MAD1L1: variants seen among roughly 807,000 people sequenced by gnomAD.
MAD1L1 encodes mitotic spindle assembly checkpoint protein MAD1.
Under a neutral mutation model 96.9 loss-of-function variants are expected in MAD1L1, and 95 were observed. The ratio of observed to expected loss-of-function variants is 0.98; its 90% CI spans 0.83 to 1.16. The LOEUF (loss-of-function observed/expected upper bound fraction) is 1.16, where lower values mean the gene tolerates loss of function less well. Among genes scored for constraint, MAD1L1 ranks in the 50% most tolerant of loss-of-function variants. The pLI is 0.00. For synonymous variants in MAD1L1, 473 were observed against 396.6 expected (o/e 1.19, Z -2.29); for missense variants, 1,007 against 954.4 (o/e 1.06, Z -0.73).
At chr7:2,023,725 G>C (rs1782882329) in intron 12 of MAD1L1, among the ~76,000 whole-genome samples, 1 of 152,288 alleles carries the variant, frequency 6.6e-6, no homozygotes, top group South Asian at 2.1e-4. Flanking sequence ...AAGGTGGGTG[G>C]ATCACCTGAG....
intron 10 of MAD1L1, among the ~76,000 whole-genome samples, chr7:2,179,454 G>C (rs774816400): frequency 6.6e-6 from 1 of 151,816 alleles, no homozygotes; most frequent in Non-Finnish European, 1.5e-5. Context: ...CTTGAACCCG[G>C]GAGGTAGAGG....
chr7:2,151,991 T>C (rs959360830), intron 10 of MAD1L1, among the ~76,000 whole-genome samples: 1 of 151,228 alleles, frequency 6.6e-6, no homozygotes, highest in Admixed American at 6.6e-5. Flanking sequence ...GCTCTCCACA[T>C]TCCCACCGAC....
chr7:1,985,912 G>A (rs933569359), intron 14 of MAD1L1, among the ~76,000 whole-genome samples: 21 of 152,108 alleles, frequency 1.4e-4, no homozygotes, highest in African/African-American at 3.6e-4. Flanking sequence ...CTACCGCCTC[G>A]TTAACTTTTG....
At position 1,936,686 on chromosome 7, in the gene MAD1L1, C is replaced by T. The variant is rs560304495; in HGVS notation, c.1807+1G>A. 1 of 1,549,200 alleles carries T rather than the reference C, an allele frequency of 6.5e-7. No individual in the cohort carries two copies. Among genetic ancestry groups the T allele is most frequent in the Non-Finnish European group, 8.7e-7 (1 of 1,147,938 alleles). On this transcript the variant is annotated splice_donor_variant, in intron 17 of 18. Transcript: ENST00000265854. LOFTEE classifies it high-confidence loss of function. The stretch of plus-strand genomic sequence containing the variant: ...AGGGACCGGGGGTGGGGGGTGCCTA[C>T]CTGCCACCTCCTTGGACGATGGCAG...
intron 18 of MAD1L1, chr7:1,845,398 C>T (rs937690332): frequency 5.2e-5 from 8 of 152,402 alleles, no homozygotes; most frequent in Non-Finnish European, 8.8e-5. Context: ...AACAGCAGCT[C>T]GGAAACAAGC....
chr7:1,986,484 C>T (rs1781151368), intron 14 of MAD1L1, among the ~76,000 whole-genome samples: 1 of 147,914 alleles, frequency 6.8e-6, no homozygotes, highest in Admixed American at 6.7e-5. Context: ...AGTTCTACTC[C>T]GCGGCTCCCT....
chr7:2,039,806 T>G (rs1327650841), intron 12 of MAD1L1, among the ~76,000 whole-genome samples: 1 of 152,146 alleles, frequency 6.6e-6, no homozygotes, highest in African/African-American at 2.4e-5. Flanking sequence ...CCTCTTTATC[T>G]CTACCTTGTC....
intron 12 of MAD1L1, among the ~76,000 whole-genome samples, chr7:2,018,336 C>A (rs555724544): frequency 6.6e-6 from 1 of 152,358 alleles, no homozygotes; most frequent in Non-Finnish European, 1.5e-5. Context: ...AAACCAGGCA[C>A]ACGGAACCCG....
intron 16 of MAD1L1, among the ~76,000 whole-genome samples, chr7:1,950,570 C>T (rs1157437494): frequency 6.6e-6 from 1 of 152,220 alleles, no homozygotes; most frequent in Non-Finnish European, 1.5e-5. Flanking sequence ...GGTTGGACAA[C>T]AGTGACTTGG....
At chr7:1,979,461 G>A (rs1335605162) in intron 15 of MAD1L1, among the ~76,000 whole-genome samples, 2 of 152,222 alleles carry the variant, frequency 1.3e-5, no homozygotes, top group Non-Finnish European at 2.9e-5. Context: ...CAGGATACTC[G>A]GGTTGCCCCA....
intron 11 of MAD1L1, among the ~76,000 whole-genome samples, chr7:2,113,322 G>A (rs1285812428): frequency 1.3e-5 from 2 of 152,236 alleles, no homozygotes; most frequent in Non-Finnish European, 2.9e-5. Context: ...GCTCACAGCT[G>A]TAATCCCAGC....
intron 12 of MAD1L1, among the ~76,000 whole-genome samples, chr7:2,048,670 C>A (rs1032217055): frequency 3.3e-5 from 5 of 152,234 alleles, no homozygotes; most frequent in African/African-American, 1.2e-4. Flanking sequence ...CCCCTCCGCC[C>A]CTCTGTGAAG....
chr7:2,012,597 A>C (rs1782353220), intron 13 of MAD1L1, among the ~76,000 whole-genome samples: 1 of 152,186 alleles, frequency 6.6e-6, no homozygotes, highest in African/African-American at 2.4e-5. Flanking sequence ...AGCGGGAGGA[A>C]GGAGGATGGA....
chr7:1,938,532 C>G (rs961243514), intron 16 of MAD1L1, among the ~76,000 whole-genome samples: 2 of 151,770 alleles, frequency 1.3e-5, no homozygotes, highest in Non-Finnish European at 2.9e-5. Context: ...AGAAAGGGTT[C>G]AGATCCAGAA....
chr7:2,131,172 G>A lies in MAD1L1; in HGVS notation c.1073+17980C>T, dbSNP rs549136180. Among the ~76,000 whole-genome samples the A allele has an allele frequency of 4.6e-5, 7 of 152,208 alleles. No individual in the cohort carries two copies. The East Asian group carries it at 9.7e-4, about 21-fold the overall frequency. Reference sequence around the variant, plus strand: ...GATGAGCAGCGTGTCAGCCTTCTTCGGGCCCCAGAGCGGACCCTGCACACG... The same window carrying A: ...GATGAGCAGCGTGTCAGCCTTCTTCAGGCCCCAGAGCGGACCCTGCACACG... On this transcript the variant is annotated intron_variant, in intron 11 of 18. Coordinates refer to ENST00000265854, the MANE Select transcript of MAD1L1 (RefSeq NM_001013836.2).
intron 10 of MAD1L1, among the ~76,000 whole-genome samples, chr7:2,170,792 G>A (rs1285107684): frequency 2.0e-5 from 3 of 152,184 alleles, no homozygotes; most frequent in Admixed American, 2.0e-4. Context: ...TCACAGGAAA[G>A]GCGACACAGG....
At chr7:1,823,926 G>A (rs1314327819) in intron 18 of MAD1L1, among the ~76,000 whole-genome samples, 3 of 151,006 alleles carry the variant, frequency 2.0e-5, no homozygotes, top group Admixed American at 6.6e-5. Flanking sequence ...TGCTGCAAGC[G>A]CCGCTCCGGA....
chr7:1,937,404 G>C (rs927519635), intron 16 of MAD1L1, among the ~76,000 whole-genome samples: 3 of 152,214 alleles, frequency 2.0e-5, no homozygotes, highest in Non-Finnish European at 4.4e-5. Context: ...GGTGGCTCAG[G>C]AATGCGCCTC....
chr7:1,843,481 G>A (rs571447687), intron 18 of MAD1L1, among the ~76,000 whole-genome samples: 2 of 152,310 alleles, frequency 1.3e-5, no homozygotes, highest in South Asian at 2.1e-4. Flanking sequence ...GTCCACAAGT[G>A]GGCAGCTTTT....
Sources: gnomAD v4.1 joint callset for allele counts (sites outside exome capture counted in the v4.1 genomes callset) on GRCh38, gnomAD v4.1.1 for gene constraint, MANE v1.5 for transcripts, NCBI Gene and HGNC (gene_info 2026-07-23, HGNC 2026-07-21) for gene names.